Variants in KCNK10 observed in about 807,000 individuals in gnomAD.
KCNK10 encodes the protein potassium two pore domain channel subfamily K member 10, also known as potassium channel subfamily K member 10.
KCNK10 carries 25 observed loss-of-function variants against 47.7 expected under a neutral mutation model. The ratio of observed to expected loss-of-function variants is 0.52; its 90% CI spans 0.38 to 0.73. The LOEUF is 0.73. Among genes scored for constraint, KCNK10 ranks in the 30% least tolerant of loss-of-function variants. KCNK10 has a pLI of 0.00. For missense variants in KCNK10, 563 were observed against 714.5 expected, an observed-to-expected ratio of 0.79 and a Z score of 2.42; for synonymous variants, 303 against 285.6, an observed-to-expected ratio of 1.06 and a Z score of -0.61.
chr14:88,247,932 A>T (rs17690975), intron 2 of KCNK10, among the ~76,000 whole-genome samples: 4,540 of 152,274 alleles, frequency 0.03, 96 homozygotes, highest in Admixed American at 0.041. Context: ...AATAAGACAA[A>T]TTTTAAACCA....
At chr14:88,197,423 A>G (rs111552072) in intron 4 of KCNK10, among the ~76,000 whole-genome samples, 1,793 of 151,830 alleles carry the variant, frequency 0.012, 34 homozygotes, top group African/African-American at 0.041. Context: ...AAATACAAAA[A>G]TTAGCTGGGC....
Position 88,185,637 on chromosome 14 carries a change from C to T in KCNK10, c.1530G>A (p.Thr510=), listed in dbSNP as rs141080520. The T allele has an allele frequency of 5.3e-5, 85 of 1,614,170 alleles. No homozygotes were observed. Among genetic ancestry groups the T allele is most frequent in the African/African-American group, 1.6e-4 (12 of 75,022 alleles). ...ACTCAGCGTGCTGCTGGATACAGTC[C>T]GTCAGCATGGCTGTGCTGGAGTTGT... ...NSDNSSTAML[T]DCIQQHAELE... is the part of the protein sequence containing the mutation. Residue 510 remains threonine, a synonymous_variant, in exon 7 of 7, where the codon ACG becomes ACA. Coordinates refer to ENST00000319231, the MANE Select transcript of KCNK10 (RefSeq NM_138317.3). The surrounding 1 kb of genome is among the most constrained non-coding windows in gnomAD (Gnocchi z 4.3).
At chr14:88,239,383 T>C (rs1886386860) in intron 3 of KCNK10, among the ~76,000 whole-genome samples, 1 of 152,182 alleles carries the variant, frequency 6.6e-6, no homozygotes, top group South Asian at 2.1e-4. Flanking sequence ...AGAGTTATCA[T>C]TTAAAGCTGG....
At chr14:88,192,752 T>A (rs1301169247) in intron 4 of KCNK10, among the ~76,000 whole-genome samples, 1 of 152,218 alleles carries the variant, frequency 6.6e-6, no homozygotes, top group East Asian at 1.9e-4. Context: ...GCAAATATAA[T>A]GGTTTCCCAA....
chr14:88,310,962 A>G (rs1888316876), intron 1 of KCNK10, among the ~76,000 whole-genome samples: 1 of 152,186 alleles, frequency 6.6e-6, no homozygotes, highest in South Asian at 2.1e-4. Context: ...GCAAATTATC[A>G]CAGAATCAAG....
intron 4 of KCNK10, among the ~76,000 whole-genome samples, chr14:88,199,291 T>C (rs1429204864): frequency 2.0e-5 from 3 of 152,186 alleles, no homozygotes; most frequent in Non-Finnish European, 4.4e-5. Flanking sequence ...TGAAATCCTC[T>C]GGTGTTCAGC....
At chr14:88,313,654 A>T (rs1484535945) in intron 1 of KCNK10, among the ~76,000 whole-genome samples, 2 of 152,214 alleles carry the variant, frequency 1.3e-5, no homozygotes, top group Non-Finnish European at 2.9e-5. Flanking sequence ...CAGTCAAGCC[A>T]TCAGATGACA....
At chr14:88,263,158 T>TC (rs763473785) in intron 2 of KCNK10, 44 bp downstream of exon 2, 6 of 1,498,070 alleles carry the variant, frequency 4.0e-6, no homozygotes, top group Non-Finnish European at 5.5e-6. Context: ...AACACTGCCA[T>TC]CCACCCCACC....
At position 88,260,318 on chromosome 14, in the gene KCNK10, TG is replaced by T. The variant is rs1887075745; in HGVS notation, c.402+2883del. ...CCTCCTGCTCCAGCCATATAGGACA[TG>T]CCTGCCTCCCCTTCGTCTTCTGCCA... On this transcript the variant is annotated intron_variant, in intron 2 of 6. Coordinates refer to ENST00000319231, the MANE Select transcript of KCNK10 (RefSeq NM_138317.3). The surrounding 1 kb of genome is among the most constrained non-coding windows in gnomAD (Gnocchi z 4.5). Among the ~76,000 whole-genome samples, 1 of 152,184 alleles carries T rather than the reference TG, an allele frequency of 6.6e-6. No individual in the cohort carries two copies. Among genetic ancestry groups the T allele is most frequent in the Non-Finnish European group, 1.5e-5 (1 of 68,030 alleles).
intron 4 of KCNK10, among the ~76,000 whole-genome samples, chr14:88,210,410 T>C (rs1046123740): frequency 4.6e-5 from 7 of 152,260 alleles, no homozygotes; most frequent in African/African-American, 1.7e-4. Flanking sequence ...TATTCGATAA[T>C]TGTTTATCAA....
At chr14:88,297,013 C>A (rs1161833860) in intron 1 of KCNK10, among the ~76,000 whole-genome samples, 1 of 152,074 alleles carries the variant, frequency 6.6e-6, no homozygotes, top group Non-Finnish European at 1.5e-5. Context: ...GTAAATAATT[C>A]AAAAATGCAT....
At chr14:88,226,296 C>G (rs1477595015) in intron 4 of KCNK10, among the ~76,000 whole-genome samples, 1 of 152,172 alleles carries the variant, frequency 6.6e-6, no homozygotes, top group African/African-American at 2.4e-5. Context: ...TAAAAAGCCT[C>G]TGAAACTGCT....
chr14:88,270,650 G>A, intron 1 of KCNK10: 1 of 775,908 alleles, frequency 1.3e-6, no homozygotes, highest in Non-Finnish European at 2.4e-6. Context: ...AGGCAGACTG[G>A]GGGGAAGAGG....
chr14:88,308,627 G>T (rs1391394563), intron 1 of KCNK10, among the ~76,000 whole-genome samples: 1 of 152,228 alleles, frequency 6.6e-6, no homozygotes, highest in Non-Finnish European at 1.5e-5. Flanking sequence ...GTGTACTCAA[G>T]TACCTCACAT....
At chr14:88,270,975 C>T (rs1887393290) in intron 1 of KCNK10, 1 of 632,636 alleles carries the variant, frequency 1.6e-6, no homozygotes, top group Non-Finnish European at 2.8e-6. Flanking sequence ...CACTGCCACG[C>T]CCCCACAAGC....
intron 1 of KCNK10, among the ~76,000 whole-genome samples, chr14:88,266,377 TG>T (rs1453972035): frequency 4.6e-5 from 7 of 152,210 alleles, no homozygotes; most frequent in African/African-American, 1.7e-4. Flanking sequence ...CACCCTCATC[TG>T]CCTGGAAAAC....
intron 6 of KCNK10, 95 bp downstream of exon 6, chr14:88,187,872 C>G: frequency 6.9e-7 from 1 of 1,440,552 alleles, no homozygotes; most frequent in African/African-American, 1.4e-5. Flanking sequence ...AAAACCGAGC[C>G]AGAAACACTC....
chr14:88,323,462 A>C (rs1257127129), upstream of KCNK10, among the ~76,000 whole-genome samples: 4 of 144,312 alleles, frequency 2.8e-5, no homozygotes, highest in East Asian at 7.2e-4. Flanking sequence ...GCGCCCCGGC[A>C]AGAGGGAGCA....
At chr14:88,267,358 CTTTTCT>C (rs1228669512) in intron 1 of KCNK10, among the ~76,000 whole-genome samples, 4 of 151,688 alleles carry the variant, frequency 2.6e-5, no homozygotes, top group South Asian at 4.2e-4. Flanking sequence ...TGGATAAATT[CTTTTCT>C]TTTTCTTTTT....
Sources: gnomAD v4.1 joint callset for allele counts (sites outside exome capture counted in the v4.1 genomes callset) on GRCh38, gnomAD v4.1.1 for gene constraint, Gnocchi (gnomAD v3.1) non-coding constraint, MANE v1.5 for transcripts, NCBI Gene and HGNC (gene_info 2026-07-23, HGNC 2026-07-21) for gene names.